The following CNTNAP2 variants were observed in gnomAD, a reference collection of about 807,000 sequenced individuals.
CNTNAP2 encodes the protein contactin associated protein 2.
CNTNAP2 carries 98 observed loss-of-function variants against 155.2 expected under a neutral mutation model. The observed-to-expected ratio is 0.63, with a 90% CI of 0.54 to 0.75. CNTNAP2 has a LOEUF of 0.75. Among genes scored for constraint, CNTNAP2 ranks in the 30% least tolerant of loss-of-function variants. CNTNAP2 has a pLI of 0.00. For missense variants in CNTNAP2, 1,727 were observed against 1,688.1 expected, an observed-to-expected ratio of 1.02 and a Z score of -0.40; for synonymous variants, 651 against 631.2, an observed-to-expected ratio of 1.03 and a Z score of -0.47.
At chr7:146,684,659 A>AAAAAAAT (rs1800564159) in intron 1 of CNTNAP2, among the ~76,000 whole-genome samples, 1 of 149,930 alleles carries the variant, frequency 6.7e-6, no homozygotes, top group Non-Finnish European at 1.5e-5. Flanking sequence ...AAAAAAAAAA[A>AAAAAAAT]GCTGGAGGAT....
intron 1 of CNTNAP2, among the ~76,000 whole-genome samples, chr7:146,498,033 G>A (rs1797246068): frequency 6.6e-6 from 1 of 152,026 alleles, no homozygotes; most frequent in East Asian, 1.9e-4. Flanking sequence ...CTCACAGTTA[G>A]TAAGAGAAGT....
chr7:147,807,050 G>T (rs1798101968), intron 13 of CNTNAP2, among the ~76,000 whole-genome samples: 2 of 152,206 alleles, frequency 1.3e-5, no homozygotes, highest in African/African-American at 2.4e-5. Context: ...TGTGGCTCAA[G>T]CCTGTAATCC....
intron 1 of CNTNAP2, among the ~76,000 whole-genome samples, chr7:146,513,473 G>A: frequency 6.6e-6 from 1 of 151,688 alleles, no homozygotes; most frequent in East Asian, 1.9e-4. Flanking sequence ...CTTATACCAT[G>A]AAGCTTATAA....
At chr7:147,601,706 A>G (rs922528236) in intron 12 of CNTNAP2, among the ~76,000 whole-genome samples, 1 of 149,056 alleles carries the variant, frequency 6.7e-6, no homozygotes, top group Non-Finnish European at 1.5e-5. Context: ...TCTAGAAACA[A>G]TTAATACAAA....
chr7:146,145,174 G>A (rs1029889724), intron 1 of CNTNAP2, among the ~76,000 whole-genome samples: 1 of 152,126 alleles, frequency 6.6e-6, no homozygotes, highest in African/African-American at 2.4e-5. Context: ...TTGAAAGAAA[G>A]CGACAACAGC....
At chr7:147,604,804 A>G (rs1166837552) in intron 12 of CNTNAP2, among the ~76,000 whole-genome samples, 1 of 152,200 alleles carries the variant, frequency 6.6e-6, no homozygotes, top group Non-Finnish European at 1.5e-5. Context: ...CAACACAGGC[A>G]AACTCTGAAA....
intron 1 of CNTNAP2, among the ~76,000 whole-genome samples, chr7:146,709,350 C>A (rs974864969): frequency 6.6e-6 from 1 of 152,116 alleles, no homozygotes; most frequent in South Asian, 2.1e-4. Flanking sequence ...TTCTACAGCA[C>A]CACAATCCAT....
At chr7:147,470,831 G>C (rs1798204007) in intron 10 of CNTNAP2, among the ~76,000 whole-genome samples, 1 of 152,070 alleles carries the variant, frequency 6.6e-6, no homozygotes, top group Non-Finnish European at 1.5e-5. Context: ...AATATAATCT[G>C]ATGTCCTTAT....
rs1170511384 is a variant in CNTNAP2, at chr7:146,912,086, A to T, written c.402+72182A>T. Among the ~76,000 whole-genome samples the T allele has an allele frequency of 2.0e-5, 3 of 151,462 alleles. No individual in the cohort carries two copies. The Middle Eastern group carries it at 0.01, about 515-fold the overall frequency. On this transcript the variant is annotated intron_variant, in intron 3 of 23. Coordinates refer to ENST00000361727, the MANE Select transcript of CNTNAP2 (RefSeq NM_014141.6). The stretch of plus-strand genomic sequence containing the variant: ...TTTTAAAAGTATGTATTGGGTCCTG[A>T]ATCACGATGTTTTAAAATGTTTGAT...
intron 13 of CNTNAP2, among the ~76,000 whole-genome samples, chr7:147,720,216 G>A (rs948293620): frequency 2.0e-5 from 3 of 152,040 alleles, no homozygotes; most frequent in Non-Finnish European, 2.9e-5. Context: ...AGAAAAGAGA[G>A]GAAAAAGAGC....
intron 9 of CNTNAP2, among the ~76,000 whole-genome samples, chr7:147,387,234 CAT>C (rs1347301245): frequency 4.6e-5 from 7 of 152,174 alleles, no homozygotes. Context: ...TCTGGGATCA[CAT>C]GTCACACCCT....
At chr7:148,014,125 T>C (rs1304005078) in intron 15 of CNTNAP2, 2 of 152,170 alleles carry the variant, frequency 1.3e-5, no homozygotes, top group African/African-American at 2.4e-5. Context: ...ATAGCATTTA[T>C]GGGAAACCGA....
intron 9 of CNTNAP2, among the ~76,000 whole-genome samples, chr7:147,338,383 C>T (rs1384620970): frequency 6.6e-6 from 1 of 152,048 alleles, no homozygotes; most frequent in African/African-American, 2.4e-5. Context: ...AATAAAATTA[C>T]AGTGATTGTC....
At chr7:148,208,801 G>T (rs150527460) in intron 18 of CNTNAP2, among the ~76,000 whole-genome samples, 2 of 152,210 alleles carry the variant, frequency 1.3e-5, no homozygotes, top group African/African-American at 4.8e-5. Flanking sequence ...TAACCTATTG[G>T]TCAGCTCCTC....
intron 1 of CNTNAP2, among the ~76,000 whole-genome samples, chr7:146,635,504 C>A (rs1489194375): frequency 1.3e-5 from 2 of 152,102 alleles, no homozygotes; most frequent in South Asian, 2.1e-4. Flanking sequence ...AGTCAATCGC[C>A]TCAGACACTA....
Position 147,121,177 on chromosome 7 carries a change from C to T in CNTNAP2, c.939+14C>T, listed in dbSNP as rs370916766. On this transcript the variant is annotated intron_variant, in intron 6 of 23. Transcript: ENST00000361727. ...TTGGACTATGAGGTACATGTGATGACGTAGAAATTGTAATAAAATGTCAAG... is the reference window on the plus strand; with the variant it reads ...TTGGACTATGAGGTACATGTGATGATGTAGAAATTGTAATAAAATGTCAAG... 88 of 1,612,770 alleles carry T rather than the reference C, an allele frequency of 5.5e-5. No homozygotes were observed. The highest frequency in any genetic ancestry group is 4.1e-4 in the African/African-American group (31 of 74,996).
intron 13 of CNTNAP2, among the ~76,000 whole-genome samples, chr7:147,742,803 C>T (rs370616584): frequency 6.6e-6 from 1 of 152,038 alleles, no homozygotes; most frequent in Non-Finnish European, 1.5e-5. Context: ...ACAAACACAG[C>T]GTTTTCAAAG....
intron 1 of CNTNAP2, among the ~76,000 whole-genome samples, chr7:146,257,368 A>G (rs1485568793): frequency 6.6e-6 from 1 of 152,148 alleles, no homozygotes; most frequent in Non-Finnish European, 1.5e-5. Flanking sequence ...CTTTCTATAT[A>G]TCTGCTCTGT....
At chr7:147,595,025 A>G (rs1800802515) in intron 12 of CNTNAP2, among the ~76,000 whole-genome samples, 1 of 152,144 alleles carries the variant, frequency 6.6e-6, no homozygotes, top group Non-Finnish European at 1.5e-5. Flanking sequence ...AGAGAGAGGA[A>G]CAAAGCAAAA....
Sources: allele counts gnomAD v4.1 joint callset (sites outside exome capture counted in the v4.1 genomes callset), GRCh38; gene constraint gnomAD v4.1.1; transcripts MANE v1.5; gene names NCBI Gene and HGNC (gene_info 2026-07-23, HGNC 2026-07-21).